Variants in KIRREL3 observed in about 807,000 individuals in gnomAD.
The protein encoded by KIRREL3 is kin of IRRE-like protein 3.
In KIRREL3, 36 loss-of-function variants were observed where a neutral mutation model predicts 89.7. The observed-to-expected ratio is 0.40, with a 90% CI of 0.31 to 0.53. The LOEUF (loss-of-function observed/expected upper bound fraction) is 0.53. Among genes scored for constraint, KIRREL3 ranks in the 20% least tolerant of loss-of-function variants. KIRREL3 has a pLI of 0.49. For synonymous variants in KIRREL3, 445 were observed against 441.4 expected, an observed-to-expected ratio of 1.01 and a Z score of -0.10; for missense variants, 864 against 1,056.6, an observed-to-expected ratio of 0.82 and a Z score of 2.53.
chr11:126,428,716 A>G lies in KIRREL3; in HGVS notation c.1806+463T>C, dbSNP rs1955025645. On this transcript the variant is annotated intron_variant, in intron 15 of 16. Transcript: ENST00000525144. This position sits in a 1 kb window ranked among gnomAD's most constrained non-coding sequence, Gnocchi z 6.4. ...GGCTGGGGTGCAGTGGCCTGATCTC[A>G]GCTCACTGCAACCTCCACCTCCTGG... Among the ~76,000 whole-genome samples the G allele has an allele frequency of 1.3e-5, 2 of 152,042 alleles. No individual in the cohort carries two copies. The highest frequency in any genetic ancestry group is 4.8e-5 in the African/African-American group (2 of 41,394).
intron 1 of KIRREL3, among the ~76,000 whole-genome samples, chr11:126,916,537 A>G (rs945511359): frequency 7.2e-5 from 11 of 152,166 alleles, no homozygotes; most frequent in African/African-American, 2.7e-4. Context: ...ACTTCTTAAC[A>G]TCCTCCGAGA....
chr11:126,818,535 T>C (rs765431424), intron 1 of KIRREL3, among the ~76,000 whole-genome samples: 5 of 152,166 alleles, frequency 3.3e-5, no homozygotes, highest in Non-Finnish European at 5.9e-5. Flanking sequence ...ATACCTAGAA[T>C]ACTATAGAGT....
rs572248644 is a variant in KIRREL3 at position 126,558,212 on chromosome 11, T to G, written c.133+4623A>C. Among the ~76,000 whole-genome samples the G allele has an allele frequency of 6.6e-6, 1 of 152,144 alleles. No homozygotes were observed. Among genetic ancestry groups the G allele is most frequent in the African/African-American group, 2.4e-5 (1 of 41,436 alleles). On this transcript the variant is annotated intron_variant, in intron 2 of 16. Transcript: ENST00000525144. The surrounding 1 kb of genome is among the most constrained non-coding windows in gnomAD (Gnocchi z 4.0). ...GCCTCTGCTTCTTCCCTCCTTTAAA[T>G]ATCCTCTTCCTCATTTCCCCTTCTC...
At chr11:126,560,972 T>A (rs1382797724) in intron 2 of KIRREL3, among the ~76,000 whole-genome samples, 1 of 152,250 alleles carries the variant, frequency 6.6e-6, no homozygotes, top group African/African-American at 2.4e-5. Flanking sequence ...ATTATAATTA[T>A]TTTGAGTATT....
chr11:126,683,395 G>T lies in KIRREL3; in HGVS notation c.56-120483C>A, dbSNP rs918931066. Among the ~76,000 whole-genome samples, 1 of 152,178 alleles carries T rather than the reference G, an allele frequency of 6.6e-6. No homozygotes were observed. Among genetic ancestry groups the T allele is most frequent in the Non-Finnish European group, 1.5e-5 (1 of 68,026 alleles). ...TCTCTGGACAGCTCCCCAGAGGGCC[G>T]TGGTCCACAAAGGGAAACACTGTCC... On this transcript the variant is annotated intron_variant, in intron 1 of 16. Transcript: ENST00000525144. The surrounding 1 kb of genome is among the most constrained non-coding windows in gnomAD (Gnocchi z 5.2).
chr11:126,975,880 TC>T (rs1182228253), intron 1 of KIRREL3, among the ~76,000 whole-genome samples: 1 of 140,462 alleles, frequency 7.1e-6, no homozygotes, highest in African/African-American at 2.8e-5. Context: ...CCCAGGTTTT[TC>T]TTTTCCCTCC....
chr11:126,662,786 A>T (rs1945467251), intron 1 of KIRREL3, among the ~76,000 whole-genome samples: 1 of 152,134 alleles, frequency 6.6e-6, no homozygotes, highest in African/African-American at 2.4e-5. Flanking sequence ...GTATGATGTG[A>T]CAAGAAAGTC....
intron 1 of KIRREL3, among the ~76,000 whole-genome samples, chr11:126,836,309 AG>A (rs1197809877): frequency 1.3e-5 from 2 of 152,180 alleles, no homozygotes; most frequent in Non-Finnish European, 2.9e-5. Flanking sequence ...ACTCACACAA[AG>A]ATGCCACAGG....
rs1940394406 is a variant in KIRREL3 at position 126,564,792 on chromosome 11, A to G, written c.56-1880T>C. Reference sequence around the variant, plus strand: ...GAATGCAGCCTTCCAGGAGGGGGCCAGTGGAAGTACAAGCTGCGAGGAGGT... The same window carrying G: ...GAATGCAGCCTTCCAGGAGGGGGCCGGTGGAAGTACAAGCTGCGAGGAGGT... On this transcript the variant is annotated intron_variant, in intron 1 of 16. Transcript: ENST00000525144. This position sits in a 1 kb window ranked among gnomAD's most constrained non-coding sequence, Gnocchi z 7.4. Among the ~76,000 whole-genome samples the G allele has an allele frequency of 6.6e-6, 1 of 152,184 alleles. No individual in the cohort carries two copies. Among genetic ancestry groups the G allele is most frequent in the South Asian group, 2.1e-4 (1 of 4,824 alleles).
chr11:126,619,439 G>A (rs927020997), intron 1 of KIRREL3, among the ~76,000 whole-genome samples: 36 of 152,286 alleles, frequency 2.4e-4, no homozygotes, highest in South Asian at 2.1e-4. Context: ...GGATGCCATC[G>A]GATGGGTTTG....
chr11:126,524,362 G>A (rs1486644065), intron 3 of KIRREL3, among the ~76,000 whole-genome samples: 1 of 152,222 alleles, frequency 6.6e-6, no homozygotes, highest in Non-Finnish European at 1.5e-5. Context: ...TTTATCTTTA[G>A]AAGGGAGAGA....
Position 126,491,566 on chromosome 11 carries a change from C to G in KIRREL3, c.434-18100G>C, listed in dbSNP as rs1957515761. Reference sequence around the variant, plus strand: ...GGAGGCCATATCAGGAACACCTGCCCATGTCTGTCCCCAGAGAGAAGACCC... The same window carrying G: ...GGAGGCCATATCAGGAACACCTGCCGATGTCTGTCCCCAGAGAGAAGACCC... On this transcript the variant is annotated intron_variant, in intron 4 of 16. Transcript: ENST00000525144. This position sits in a 1 kb window ranked among gnomAD's most constrained non-coding sequence, Gnocchi z 5.5. Among the ~76,000 whole-genome samples the G allele has an allele frequency of 6.6e-6, 1 of 152,174 alleles. No homozygotes were observed. Among genetic ancestry groups the G allele is most frequent in the Admixed American group, 6.5e-5 (1 of 15,276 alleles).
At position 126,943,206 on chromosome 11, in the gene KIRREL3, G is replaced by T. The variant is rs1257497629; in HGVS notation, c.55+57249C>A. 6.6e-6 allele frequency among the ~76,000 whole-genome samples: 1 copy of T among 152,148 alleles called. No individual in the cohort carries two copies. The highest frequency in any genetic ancestry group is 1.5e-5 in the Non-Finnish European group (1 of 68,036). The stretch of plus-strand genomic sequence containing the variant: ...TGGGGTCTCAGGATTGGCTTTTGAG[G>T]TGTTTCTGGGCCTTAAGCAGCTCCC... On this transcript the variant is annotated intron_variant, in intron 1 of 16. Coordinates refer to ENST00000525144, the MANE Select transcript of KIRREL3 (RefSeq NM_032531.4). This position sits in a 1 kb window ranked among gnomAD's most constrained non-coding sequence, Gnocchi z 4.2.
At position 126,614,047 on chromosome 11, in the gene KIRREL3, T is replaced by C. The variant is rs1357585056; in HGVS notation, c.56-51135A>G. 6.6e-6 allele frequency among the ~76,000 whole-genome samples: 1 copy of C among 151,916 alleles called. No individual in the cohort carries two copies. The highest frequency in any genetic ancestry group is 1.9e-4 in the East Asian group (1 of 5,198). On this transcript the variant is annotated intron_variant, in intron 1 of 16. Coordinates refer to ENST00000525144, the MANE Select transcript of KIRREL3 (RefSeq NM_032531.4). The surrounding 1 kb of genome is among the most constrained non-coding windows in gnomAD (Gnocchi z 4.6). ...GAGGTTCTTTTCTGTGTAATTCTTT[T>C]GGCTGAAAACTGAATAGAGTTCTCC... is the stretch of plus-strand genomic sequence containing the variant.
rs577329498 is a variant in KIRREL3, at chr11:126,670,546, TA to T, written c.56-107635del. ...TTCTCGGGTAACATAATTATCTACA[TA>T]AAAAACCCAAAGAATCTGTAAGAAA... On this transcript the variant is annotated intron_variant, in intron 1 of 16. Transcript: ENST00000525144. Among the ~76,000 whole-genome samples, 51 of 152,226 alleles carry T rather than the reference TA, an allele frequency of 3.4e-4. No individual in the cohort carries two copies. In the East Asian group the frequency reaches 6.6e-3, roughly 20 times the overall value.
In KIRREL3 at chr11:126,615,549, C is replaced by G. The variant is rs1943308222; in HGVS notation, c.56-52637G>C. The stretch of plus-strand genomic sequence containing the variant: ...CCTGTGTTCCTAACCATCCTGCCCA[C>G]CAGGATCCTGGAGGTATTCAAGCTG... On this transcript the variant is annotated intron_variant, in intron 1 of 16. Transcript: ENST00000525144. The surrounding 1 kb of genome is among the most constrained non-coding windows in gnomAD (Gnocchi z 5.4). Among the ~76,000 whole-genome samples the G allele has an allele frequency of 6.6e-6, 1 of 152,124 alleles. No individual in the cohort carries two copies. Among genetic ancestry groups the G allele is most frequent in the African/African-American group, 2.4e-5 (1 of 41,424 alleles).
rs1958519251 is a variant in KIRREL3 at position 126,519,448 on chromosome 11, T to G, written c.433+1867A>C. On this transcript the variant is annotated intron_variant, in intron 4 of 16. Coordinates refer to ENST00000525144, the MANE Select transcript of KIRREL3 (RefSeq NM_032531.4). This position sits in a 1 kb window ranked among gnomAD's most constrained non-coding sequence, Gnocchi z 4.3. ...CATCTGTAAAACATTCGAAATAATCTGGACTTTTAATACGTTGGACTTTTT... is the reference window on the plus strand; with the variant it reads ...CATCTGTAAAACATTCGAAATAATCGGGACTTTTAATACGTTGGACTTTTT... Among the ~76,000 whole-genome samples the G allele has an allele frequency of 6.6e-6, 1 of 152,232 alleles. No homozygotes were observed. The highest frequency in any genetic ancestry group is 1.5e-5 in the Non-Finnish European group (1 of 68,050).
At position 126,441,275 on chromosome 11, in the gene KIRREL3, C is replaced by G. The variant is rs1231587122; in HGVS notation, c.1253-726G>C. On this transcript the variant is annotated intron_variant, in intron 10 of 16. Coordinates refer to ENST00000525144, the MANE Select transcript of KIRREL3 (RefSeq NM_032531.4). The surrounding 1 kb of genome is among the most constrained non-coding windows in gnomAD (Gnocchi z 5.0). ...AATATTATCATATCACAGAGTGTGG[C>G]ACATGTTTATGGGTGTCAGGTTCTG... 6.6e-6 allele frequency among the ~76,000 whole-genome samples: 1 copy of G among 152,218 alleles called. No homozygotes were observed. The highest frequency in any genetic ancestry group is 1.5e-5 in the Non-Finnish European group (1 of 68,046).
Position 126,983,174 on chromosome 11 carries a change from T to C in KIRREL3, c.55+17281A>G, listed in dbSNP as rs925022914. On this transcript the variant is annotated intron_variant, in intron 1 of 16. Transcript: ENST00000525144. The surrounding 1 kb of genome is among the most constrained non-coding windows in gnomAD (Gnocchi z 4.9). ...TCTAACTTATAAGTAGTGAGGCTAC[T>C]TGTAGGTACAATATTATAATAACCA... is the stretch of plus-strand genomic sequence containing the variant. 6.6e-6 allele frequency among the ~76,000 whole-genome samples: 1 copy of C among 152,154 alleles called. No homozygotes were observed. Among genetic ancestry groups the C allele is most frequent in the African/African-American group, 2.4e-5 (1 of 41,442 alleles).
Sources: allele counts gnomAD v4.1 joint callset (sites outside exome capture counted in the v4.1 genomes callset), GRCh38; gene constraint gnomAD v4.1.1; non-coding constraint Gnocchi (gnomAD v3.1); transcripts MANE v1.5; gene names NCBI Gene and HGNC (gene_info 2026-07-23, HGNC 2026-07-21).